Variants in OSBPL6 observed in about 807,000 individuals in gnomAD.
OSBPL6 encodes the protein oxysterol-binding protein-related protein 6.
In OSBPL6, 49 loss-of-function variants were observed where a neutral mutation model predicts 125.8. The ratio of observed to expected loss-of-function variants is 0.39; its 90% CI spans 0.31 to 0.49. The LOEUF (loss-of-function observed/expected upper bound fraction) is 0.49, where lower values mean the gene tolerates loss of function less well. OSBPL6 is among the 20% of genes least tolerant of loss of function. The pLI is 0.88. For synonymous variants in OSBPL6, 394 were observed against 391.8 expected, an observed-to-expected ratio of 1.01 and a Z score of -0.07; for missense variants, 986 against 1,135.4, an observed-to-expected ratio of 0.87 and a Z score of 1.89.
At chr2:178,342,030 A>G (rs1300084548) in intron 11 of OSBPL6, among the ~76,000 whole-genome samples, 1 of 152,094 alleles carries the variant, frequency 6.6e-6, no homozygotes. Flanking sequence ...GATACCCACC[A>G]CTTTCTCCTA....
At chr2:178,331,485 C>A in intron 5 of OSBPL6, 67 bp from the exon 6 acceptor site, 1 of 1,509,162 alleles carries the variant, frequency 6.6e-7, no homozygotes, top group Non-Finnish European at 9.2e-7. Flanking sequence ...AACATTAGAC[C>A]CACATTTGTG....
At chr2:178,261,393 G>GAAA (rs778259031) in intron 1 of OSBPL6, among the ~76,000 whole-genome samples, 4 of 102,342 alleles carry the variant, frequency 3.9e-5, no homozygotes, top group African/African-American at 1.3e-4. Flanking sequence ...CATTATAATT[G>GAAA]AAAAAAAAAA....
At chr2:178,375,518 G>A (rs1277178897) in intron 15 of OSBPL6, among the ~76,000 whole-genome samples, 2 of 152,166 alleles carry the variant, frequency 1.3e-5, no homozygotes, top group Admixed American at 1.3e-4. Flanking sequence ...TGCCTCCCGG[G>A]TTCAAGCAAT....
chr2:178,235,381 CCTTTTT>C (rs1423007356), intron 1 of OSBPL6, among the ~76,000 whole-genome samples: 8 of 131,214 alleles, frequency 6.1e-5, no homozygotes, highest in African/African-American at 2.8e-5. Flanking sequence ...TTCTTTCTTT[CCTTTTT>C]CTTTTCTTTT....
chr2:178,194,232 A>G (rs1006828294), upstream of OSBPL6, among the ~76,000 whole-genome samples: 1 of 152,128 alleles, frequency 6.6e-6, no homozygotes, highest in Non-Finnish European at 1.5e-5. Context: ...GTTCCCACGG[A>G]GGCCGGGCCA....
chr2:178,277,646 A>G (rs1488074477), intron 1 of OSBPL6, among the ~76,000 whole-genome samples: 1 of 152,202 alleles, frequency 6.6e-6, no homozygotes, highest in Non-Finnish European at 1.5e-5. Context: ...ATATCTTGTT[A>G]TACTTTGATC....
chr2:178,366,620 G>T (rs1045930604), intron 13 of OSBPL6, among the ~76,000 whole-genome samples: 9 of 152,158 alleles, frequency 5.9e-5, no homozygotes, highest in Non-Finnish European at 8.8e-5. Flanking sequence ...AATGTAAATA[G>T]AATTGAAGCA....
intron 1 of OSBPL6, among the ~76,000 whole-genome samples, chr2:178,239,787 G>A (rs184549045): frequency 2.0e-5 from 3 of 151,258 alleles, no homozygotes; most frequent in African/African-American, 7.3e-5. Flanking sequence ...CCCCATGCCC[G>A]GCTAATTTTT....
intron 1 of OSBPL6, among the ~76,000 whole-genome samples, chr2:178,210,524 T>C (rs2089798375): frequency 6.6e-6 from 1 of 152,104 alleles, no homozygotes; most frequent in East Asian, 1.9e-4. Flanking sequence ...ATGACTCTTC[T>C]TGCCTGGACA....
chr2:178,361,598 A>C, intron 12 of OSBPL6, 84 bp from the exon 13 acceptor site: 1 of 1,515,114 alleles, frequency 6.6e-7, no homozygotes, highest in African/African-American at 1.4e-5. Context: ...CCTATTTGTG[A>C]GTGAAAGTCT....
rs769607487 is a variant in OSBPL6 at position 178,331,545 on chromosome 2, C to G, written c.319-7C>G. The G allele has an allele frequency of 6.2e-7, 1 of 1,613,974 alleles. No individual in the cohort carries two copies. Among genetic ancestry groups the G allele is most frequent in the South Asian group, 1.1e-5 (1 of 91,076 alleles). On this transcript the variant is annotated splice_region_variant and splice_polypyrimidine_tract_variant and intron_variant, in intron 5 of 24. Transcript: ENST00000190611. ...AGACAGTAACTGGGGGTGTTTGGTT[C>G]TTGCAGCGTTTTTTTGTCCTGGATA...
At chr2:178,359,816 A>C (rs1172437284) in intron 12 of OSBPL6, among the ~76,000 whole-genome samples, 1 of 152,234 alleles carries the variant, frequency 6.6e-6, no homozygotes, top group Non-Finnish European at 1.5e-5. Flanking sequence ...GGCCAGGTGC[A>C]GTGGCTCACA....
chr2:178,347,242 C>T (rs1690806891), intron 11 of OSBPL6, among the ~76,000 whole-genome samples: 1 of 152,148 alleles, frequency 6.6e-6, no homozygotes, highest in Non-Finnish European at 1.5e-5. Context: ...GAGGAAGAGA[C>T]TCCTCTTCCA....
At chr2:178,201,716 A>G (rs334110) in intron 1 of OSBPL6, among the ~76,000 whole-genome samples, 95,613 of 152,094 alleles carry the variant, frequency 0.63, 30,433 homozygotes, top group East Asian at 0.82. Context: ...TCACATGCCT[A>G]GATACTAAAT....
At position 178,391,344 on chromosome 2, in the gene OSBPL6, C is replaced by G. The variant is rs966101630; in HGVS notation, c.2446+127C>G. On this transcript the variant is annotated intron_variant, in intron 22 of 24. Coordinates refer to ENST00000190611, the MANE Select transcript of OSBPL6 (RefSeq NM_032523.4). ...AAGAGTGAGATTAAAAGCGTAGATG[C>G]TTATGGCAATTATAGTTACATTCAT... The G allele has an allele frequency of 3.1e-6, 3 of 957,010 alleles. No homozygotes were observed. The African/African-American group carries it at 5.0e-5, about 16-fold the overall frequency. The allele number at this position is 957,010 out of a possible 1,614,324, so 59.3% of individuals were successfully genotyped here.
At chr2:178,337,139 T>C (rs886730575) in intron 9 of OSBPL6, among the ~76,000 whole-genome samples, 4 of 152,218 alleles carry the variant, frequency 2.6e-5, no homozygotes, top group African/African-American at 9.6e-5. Context: ...GAGACAGTTT[T>C]CATTTGACCT....
At chr2:178,360,101 C>A (rs1692195754) in intron 12 of OSBPL6, among the ~76,000 whole-genome samples, 1 of 151,570 alleles carries the variant, frequency 6.6e-6, no homozygotes, top group South Asian at 2.1e-4. Context: ...AAAAAGAAGC[C>A]AGTCCCAGAA....
chr2:178,236,145 A>T (rs2091043325), intron 1 of OSBPL6, among the ~76,000 whole-genome samples: 1 of 152,146 alleles, frequency 6.6e-6, no homozygotes, highest in South Asian at 2.1e-4. Context: ...AAATTAAATT[A>T]TCCCTTTAAG....
intron 1 of OSBPL6, among the ~76,000 whole-genome samples, chr2:178,253,073 G>A (rs1200252416): frequency 6.6e-6 from 1 of 151,870 alleles, no homozygotes; most frequent in Non-Finnish European, 1.5e-5. Context: ...CCAGGCTGGA[G>A]TGCAATGGCA....
Sources: gnomAD v4.1 joint callset for allele counts (sites outside exome capture counted in the v4.1 genomes callset) on GRCh38, gnomAD v4.1.1 for gene constraint, MANE v1.5 for transcripts, NCBI Gene and HGNC (gene_info 2026-07-23, HGNC 2026-07-21) for gene names.